Variants in KRT80 observed in about 807,000 individuals in gnomAD.
KRT80 encodes keratin, type II cytoskeletal 80.
A neutral mutation model predicts 51.5 loss-of-function variants in KRT80; 36 were observed. The ratio of observed to expected loss-of-function variants is 0.70; its 90% CI spans 0.54 to 0.92. KRT80 has a LOEUF of 0.92. KRT80 is among the 40% of genes least tolerant of loss of function. The pLI is 0.00. For missense variants in KRT80, 566 were observed against 591.7 expected, an observed-to-expected ratio of 0.96 and a Z score of 0.45; for synonymous variants, 235 against 248.3, an observed-to-expected ratio of 0.95 and a Z score of 0.50.
At chr12:52,172,126 C>T (rs1259700101) in intron 7 of KRT80, 72 bp downstream of exon 7, 1 of 1,534,962 alleles carries the variant, frequency 6.5e-7, no homozygotes, top group Admixed American at 1.7e-5. Flanking sequence ...GAAAGGAGAA[C>T]TGACTTTGTG....
At chr12:52,173,464 T>G in intron 5 of KRT80, 136 bp downstream of exon 5, 17 of 495,994 alleles carry the variant, frequency 3.4e-5, no homozygotes, top group Non-Finnish European at 6.0e-5. Flanking sequence ...GCCCCGTCCC[T>G]GTGCTTCTCC....
At chr12:52,176,727 C>T (rs529126795) in intron 4 of KRT80, among the ~76,000 whole-genome samples, 7 of 152,330 alleles carry the variant, frequency 4.6e-5, no homozygotes, top group East Asian at 1.9e-4. Context: ...GTTATCCGCC[C>T]GCTTCGGCCT....
Position 52,169,342 on chromosome 12 carries a change from C to A in KRT80, c.*2056G>T, listed in dbSNP as rs1592353761. The A allele has an allele frequency of 6.6e-6, 1 of 152,228 alleles. No homozygotes were observed. The highest frequency in any genetic ancestry group is 2.1e-4 in the South Asian group (1 of 4,830). The allele number at this position is 152,228 out of a possible 1,614,324, so 9.4% of individuals were successfully genotyped here. The stretch of plus-strand genomic sequence containing the variant: ...ATGAGATTTGGAGGGGACGAGCATC[C>A]AAACCATATCAGATGGTGAGACAGG... On this transcript the variant is annotated 3_prime_UTR_variant, in exon 9 of 9. Coordinates refer to ENST00000394815, the MANE Select transcript of KRT80 (RefSeq NM_182507.3).
intron 1 of KRT80, among the ~76,000 whole-genome samples, chr12:52,186,374 A>G (rs1275052538): frequency 6.6e-6 from 1 of 151,944 alleles, no homozygotes; most frequent in African/African-American, 2.4e-5. Context: ...TCCCCATGAG[A>G]CTGTGGGGAC....
In KRT80 at chr12:52,185,554, C is replaced by G; in HGVS notation, c.334G>C (p.Glu112Gln). 6.2e-7 allele frequency: 1 copy of G among 1,611,784 alleles called. No individual in the cohort carries two copies. The highest frequency in any genetic ancestry group is 2.2e-5 in the East Asian group (1 of 44,876). The change falls in exon 2 of 9, where the codon GAG becomes CAG. Residue 112 changes from glutamate to glutamine, a missense_variant. By Grantham distance (29) the Glu-to-Gln change is conservative. Transcript: ENST00000394815. ...QALEQRNQLLETRWSFLQGQD... is the reference protein window; with the variant it reads ...QALEQRNQLLQTRWSFLQGQD... ...CCCTGCAGGAAGCTCCAGCGTGTCT[C>G]CAGCAGCTGGTTGCGCTGTTCCAGG...
At position 52,191,749 on chromosome 12, in the gene KRT80, C is replaced by A. The variant is rs760967152; in HGVS notation, c.154G>T (p.Ala52Ser). Residue 52 changes from alanine (A) to serine (S), a missense_variant, in exon 1 of 9, where the codon GCT (alanine) becomes TCT (serine). Transcript: ENST00000394815. Reference sequence around the variant, plus strand: ...ACAGTCACCTTGGAGATAGTGCCAGCCGACCAGCAGCCTGTGAGGCTGCGG... The same window carrying A: ...ACAGTCACCTTGGAGATAGTGCCAGACGACCAGCAGCCTGTGAGGCTGCGG... Reference protein sequence around the residue: ...SSRSLTGCWSAGTISKVTVNP... With the variant: ...SSRSLTGCWSSGTISKVTVNP... 1 of 1,613,440 alleles carries A rather than the reference C, an allele frequency of 6.2e-7. No individual in the cohort carries two copies. Among genetic ancestry groups the A allele is most frequent in the Non-Finnish European group, 8.5e-7 (1 of 1,179,886 alleles).
chr12:52,175,820 G>A (rs1941208755), intron 4 of KRT80, among the ~76,000 whole-genome samples: 1 of 152,098 alleles, frequency 6.6e-6, no homozygotes. Flanking sequence ...AAGATTGATT[G>A]TTACCACAGC....
Position 52,173,078 on chromosome 12 carries a change from A to G in KRT80, c.917T>C (p.Ile306Thr), listed in dbSNP as rs1950792294. The G allele has an allele frequency of 2.5e-6, 4 of 1,613,110 alleles. No individual in the cohort carries two copies. The highest frequency in any genetic ancestry group is 2.5e-6 in the Non-Finnish European group (3 of 1,179,390). The change falls in exon 6 of 9, where the codon ATC becomes ACC. Residue 306 changes from isoleucine (I) to threonine (T), a missense_variant. Coordinates refer to ENST00000394815, the MANE Select transcript of KRT80 (RefSeq NM_182507.3). ...RSEIADLNVR[I>T]QKLRSQILSV... is the part of the protein sequence containing the mutation. ...GAGGATCTGGGACCGCAGCTTCTGG[A>G]TGCGCACATTGAGATCCGCGATCTC...
chr12:52,175,651 C>G (rs1480799212), intron 4 of KRT80, among the ~76,000 whole-genome samples: 1 of 152,090 alleles, frequency 6.6e-6, no homozygotes, highest in Non-Finnish European at 1.5e-5. Flanking sequence ...TTCGGAAGCC[C>G]CTCTGGGGGA....
At chr12:52,174,109 C>A (rs1332954111) in intron 4 of KRT80, among the ~76,000 whole-genome samples, 2 of 152,248 alleles carry the variant, frequency 1.3e-5, no homozygotes, top group Non-Finnish European at 2.9e-5. Flanking sequence ...GGGAAAGGGC[C>A]AGAGAAGTCA....
chr12:52,176,639 A>G (rs535712019), intron 4 of KRT80, among the ~76,000 whole-genome samples: 2 of 151,994 alleles, frequency 1.3e-5, no homozygotes, highest in Non-Finnish European at 2.9e-5. Context: ...GCGCCACCTC[A>G]CCCAGCTAAT....
chr12:52,185,785 G>T, intron 1 of KRT80, 198 bp from the exon 2 acceptor site: 1 of 1,232,298 alleles, frequency 8.1e-7, no homozygotes, highest in Non-Finnish European at 1.1e-6. Context: ...ATAAGGACAG[G>T]ATCAGAGCAA....
Position 52,185,546 on chromosome 12 carries a change from G to A in KRT80, c.342C>T (p.Arg114=), listed in dbSNP as rs560758833. ...AGTCCTGGCCCTGCAGGAAGCTCCA[G>A]CGTGTCTCCAGCAGCTGGTTGCGCT... The part of the protein sequence containing the change: ...LEQRNQLLET[R]WSFLQGQDSA... The change falls in exon 2 of 9, where the codon CGC becomes CGT. Residue 114 remains arginine (R), a synonymous_variant. Coordinates refer to ENST00000394815, the MANE Select transcript of KRT80 (RefSeq NM_182507.3). 164 of 1,612,326 alleles carry A rather than the reference G, an allele frequency of 1.0e-4. No homozygotes were observed. The highest frequency in any genetic ancestry group is 1.8e-4 in the Admixed American group (11 of 60,006).
chr12:52,176,184 C>T (rs1189518898), intron 4 of KRT80, among the ~76,000 whole-genome samples: 7 of 152,218 alleles, frequency 4.6e-5, no homozygotes, highest in Non-Finnish European at 1.0e-4. Flanking sequence ...CATCCACAGA[C>T]GTGTTCAGAC....
rs189947686 is a variant in KRT80, at chr12:52,174,504, G to A, written c.667-740C>T. On this transcript the variant is annotated intron_variant, in intron 4 of 8. Transcript: ENST00000394815. ...CCTGGACGACCACAATATTTTCACCGTCTCCTATCCCTGGAGACTTCTGGA... is the reference window on the plus strand; with the variant it reads ...CCTGGACGACCACAATATTTTCACCATCTCCTATCCCTGGAGACTTCTGGA... Among the ~76,000 whole-genome samples, 1,383 of 152,348 alleles carry A rather than the reference G, an allele frequency of 9.1e-3. 9 individuals carry two copies. The highest frequency in any genetic ancestry group is 0.012 in the Non-Finnish European group (808 of 68,024).
chr12:52,176,165 C>T (rs992386602), intron 4 of KRT80, among the ~76,000 whole-genome samples: 1 of 152,210 alleles, frequency 6.6e-6, no homozygotes, highest in Non-Finnish European at 1.5e-5. Context: ...GGAAATGGAG[C>T]GTTCAGAACA....
intron 1 of KRT80, among the ~76,000 whole-genome samples, chr12:52,187,099 G>A (rs1039744431): frequency 6.6e-6 from 1 of 152,228 alleles, no homozygotes; most frequent in Non-Finnish European, 1.5e-5. Flanking sequence ...CTCCCTTGGT[G>A]CCAGGGATAG....
At chr12:52,176,081 A>G (rs1404993813) in intron 4 of KRT80, among the ~76,000 whole-genome samples, 2 of 152,236 alleles carry the variant, frequency 1.3e-5, no homozygotes, top group Non-Finnish European at 2.9e-5. Context: ...AGGACTTCCC[A>G]GTCAGGGTGA....
intron 7 of KRT80, among the ~76,000 whole-genome samples, 153 bp from the exon 8 acceptor site, chr12:52,171,866 CA>C (rs1941111383): frequency 6.6e-6 from 1 of 152,086 alleles, no homozygotes; most frequent in African/African-American, 2.4e-5. Flanking sequence ...CCTGGCTAGC[CA>C]GCTTGTCCTT....
Sources: gnomAD v4.1 joint callset for allele counts (sites outside exome capture counted in the v4.1 genomes callset) on GRCh38, gnomAD v4.1.1 for gene constraint, MANE v1.5 for transcripts, NCBI Gene and HGNC (gene_info 2026-07-23, HGNC 2026-07-21) for gene names.